LHX3: variants seen among roughly 807,000 people sequenced by gnomAD.
The protein encoded by LHX3 is LIM/homeobox protein Lhx3.
A neutral mutation model predicts 32.4 loss-of-function variants in LHX3; 21 were observed. The ratio of observed to expected loss-of-function variants is 0.65; its 90% CI spans 0.46 to 0.93. LHX3 has a LOEUF of 0.93. Among genes scored for constraint, LHX3 ranks in the 40% least tolerant of loss-of-function variants. The probability of loss-of-function intolerance (pLI) is 0.00; values close to 1 mark genes in which losing one functional copy is unlikely to be tolerated. For missense variants in LHX3, 626 were observed against 560.0 expected, an observed-to-expected ratio of 1.12 and a Z score of -1.19; for synonymous variants, 258 against 246.8, an observed-to-expected ratio of 1.05 and a Z score of -0.43.
At chr9:136,203,146 G>T in intron 1 of LHX3, 1 of 1,345,884 alleles carries the variant, frequency 7.4e-7, no homozygotes, top group Non-Finnish European at 9.5e-7. Flanking sequence ...TCCGGGTGCT[G>T]CTGGGCGCTG....
At chr9:136,202,554 C>T (rs1831670936) in intron 1 of LHX3, among the ~76,000 whole-genome samples, 2 of 152,320 alleles carry the variant, frequency 1.3e-5, no homozygotes, top group Non-Finnish European at 1.5e-5. Context: ...CTGCATCTGA[C>T]TCTGTTCCGC....
intron 1 of LHX3, chr9:136,201,648 C>G: frequency 1.0e-6 from 1 of 991,300 alleles, no homozygotes; most frequent in Non-Finnish European, 1.2e-6. Flanking sequence ...GGCTGTGGAC[C>G]CCGCCGGCTC....
chr9:136,202,419 G>A (rs1831663494), intron 1 of LHX3, among the ~76,000 whole-genome samples: 1 of 152,186 alleles, frequency 6.6e-6, no homozygotes, highest in Admixed American at 6.5e-5. Flanking sequence ...GGGGCCTGGA[G>A]AAGAGAGGCT....
At chr9:136,203,456 G>A (rs1481506015) in intron 1 of LHX3, among the ~76,000 whole-genome samples, 1 of 152,192 alleles carries the variant, frequency 6.6e-6, no homozygotes, top group African/African-American at 2.4e-5. Context: ...TGGAGCACAC[G>A]CCAGGAGGGC....
At chr9:136,201,772 C>A in intron 1 of LHX3, 1 of 904,262 alleles carries the variant, frequency 1.1e-6, no homozygotes, top group Non-Finnish European at 1.3e-6. Flanking sequence ...ATGAATGCGC[C>A]CCGCATCCGG....
At chr9:136,203,605 G>A (rs1760416050) in intron 1 of LHX3, among the ~76,000 whole-genome samples, 1 of 152,224 alleles carries the variant, frequency 6.6e-6, no homozygotes, top group Non-Finnish European at 1.5e-5. Flanking sequence ...GCTGCGTACC[G>A]GAACCGCAAG....
chr9:136,203,215 G>GGGGGCGGGGCCGCGGGGC lies in LHX3; in HGVS notation c.79+1701_79+1718dup, dbSNP rs1270209446. 4 of 927,776 alleles carry GGGGGCGGGGCCGCGGGGC rather than the reference G, an allele frequency of 4.3e-6. No individual in the cohort carries two copies. The African/African-American group carries it at 7.1e-5, about 17-fold the overall frequency. 57.5% of individuals were successfully genotyped at this position (927,776 alleles called of 1,614,324 possible). On this transcript the variant is annotated intron_variant, in intron 1 of 5. Transcript: ENST00000371748. The stretch of plus-strand genomic sequence containing the variant: ...GGCCGAGCGGAGGGCGGAGCGGCCG[G>GGGGGCGGGGCCGCGGGGC]GGGGCGGGGCCGCGGGGCGGGGCGG...
At chr9:136,203,089 C>A in intron 1 of LHX3, 1 of 1,487,706 alleles carries the variant, frequency 6.7e-7, no homozygotes, top group African/African-American at 1.5e-5. Flanking sequence ...CTTTCCCGGG[C>A]CCAGCGACGC....
In LHX3 at chr9:136,201,643, T is replaced by C. The variant is rs187368051; in HGVS notation, c.80-890A>G. ...CATATTGCACCCGCCTCCCTGGCTG[T>C]GGACCCCGCCGGCTCCAGCCCATCT... On this transcript the variant is annotated intron_variant, in intron 1 of 5. Transcript: ENST00000371748. The C allele has an allele frequency of 7.1e-4, 709 of 992,538 alleles. 6 individuals carry two copies. In the African/African-American group the frequency reaches 0.012, roughly 16 times the overall value. The allele number at this position is 992,538 out of a possible 1,614,324, so 61.5% of individuals were successfully genotyped here.
rs774967039 is a variant in LHX3 at position 136,198,623 on chromosome 9, C to CG, written c.775+28_775+29insC. On this transcript the variant is annotated intron_variant, in intron 5 of 5. Transcript: ENST00000371748. Reference sequence around the variant, plus strand: ...GACCCCGCCGACGCGCGCTCGTCCCCCCCCGAGCTCCGCGATCCCTCCGCC... The same window carrying CG: ...GACCCCGCCGACGCGCGCTCGTCCCCGCCCCGAGCTCCGCGATCCCTCCGCC... The CG allele has an allele frequency of 1.0e-5, 16 of 1,557,232 alleles. No homozygotes were observed. The East Asian group carries it at 1.7e-4, about 16-fold the overall frequency.
Position 136,203,215 on chromosome 9 carries a change from G to GGGGGCGGGGACGC in LHX3, c.79+1718_79+1719insGCGTCCCCGCCCC, listed in dbSNP as rs1554755100. The GGGGGCGGGGACGC allele has an allele frequency of 4.3e-6, 4 of 927,776 alleles. No homozygotes were observed. In the African/African-American group the frequency reaches 7.1e-5, roughly 17 times the overall value. 57.5% of individuals were successfully genotyped at this position (927,776 alleles called of 1,614,324 possible). The stretch of plus-strand genomic sequence containing the variant: ...GGCCGAGCGGAGGGCGGAGCGGCCG[G>GGGGGCGGGGACGC]GGGGCGGGGCCGCGGGGCGGGGCGG... On this transcript the variant is annotated intron_variant, in intron 1 of 5. Transcript: ENST00000371748.
intron 1 of LHX3, among the ~76,000 whole-genome samples, chr9:136,203,348 C>A (rs1831692849): frequency 6.6e-6 from 1 of 151,958 alleles, no homozygotes; most frequent in Admixed American, 6.5e-5. Context: ...CGAGGGCGGG[C>A]ACCGGTAAGG....
Position 136,199,688 on chromosome 9 carries a change from G to T in LHX3, c.444C>A (p.Ala148=), listed in dbSNP as rs199597636. 12 of 1,612,780 alleles carry T rather than the reference G, an allele frequency of 7.4e-6. No individual in the cohort carries two copies. Among genetic ancestry groups the T allele is most frequent in the Admixed American group, 5.0e-5 (3 of 60,010 alleles). ...RLVCKADYET[A]KQREAEATAK... is the part of the protein sequence containing the mutation. Reference sequence around the variant, plus strand: ...GTCCCCTCGGCTGACCTCGCTGCTTGGCGGTTTCGTAGTCCGCCTTGCACA... The same window carrying T: ...GTCCCCTCGGCTGACCTCGCTGCTTTGCGGTTTCGTAGTCCGCCTTGCACA... Residue 148 remains alanine (A), a synonymous_variant, in exon 3 of 6, where the codon GCC becomes GCA. Coordinates refer to ENST00000371748, the MANE Select transcript of LHX3 (RefSeq NM_178138.6).
chr9:136,197,642 A>T lies in LHX3; in HGVS notation c.877T>A (p.Phe293Ile), dbSNP rs755353004. The change falls in exon 6 of 6, where the codon TTC (phenylalanine) becomes ATC (isoleucine). Residue 293 changes from phenylalanine (F) to isoleucine (I), a missense_variant. By Grantham distance (21) the Phe-to-Ile change is conservative. Coordinates refer to ENST00000371748, the MANE Select transcript of LHX3 (RefSeq NM_178138.6). ...GCCAGGCCTCCATGCTCCAGGGAGA[A>T]GTTGCCCAGGGCTCCCGAGGGCCGG... ...LGRPSGALGN[F>I]SLEHGGLAGP... 25 of 1,591,618 alleles carry T rather than the reference A, an allele frequency of 1.6e-5. 1 individual carries two copies. Among genetic ancestry groups the T allele is most frequent in the Middle Eastern group, 1.7e-4 (1 of 5,944 alleles).
At chr9:136,204,091 C>T (rs946022920) in intron 1 of LHX3, among the ~76,000 whole-genome samples, 1 of 152,234 alleles carries the variant, frequency 6.6e-6, no homozygotes, top group Admixed American at 6.5e-5. Context: ...TGATGCCATC[C>T]TGCAGGTCCC....
intron 1 of LHX3, among the ~76,000 whole-genome samples, chr9:136,202,426 G>C (rs1433428282): frequency 6.6e-6 from 1 of 152,194 alleles, no homozygotes; most frequent in Non-Finnish European, 1.5e-5. Flanking sequence ...GGAGAAGAGA[G>C]GCTTTTTCCT....
intron 1 of LHX3, chr9:136,201,365 G>A (rs1831635809): frequency 2.4e-6 from 3 of 1,241,230 alleles, no homozygotes; most frequent in Non-Finnish European, 3.0e-6. Context: ...CTGCCTTTGT[G>A]TCAGGCGTGG....
chr9:136,196,491 C>A lies in LHX3; in HGVS notation c.*834G>T, dbSNP rs1831492713. 6.5e-6 allele frequency: 1 copy of A among 152,798 alleles called. No individual in the cohort carries two copies. The highest frequency in any genetic ancestry group is 1.9e-4 in the East Asian group (1 of 5,298). The allele number at this position is 152,798 out of a possible 1,614,324, so 9.5% of individuals were successfully genotyped here. A position where few individuals can be genotyped will look rare whatever the true frequency, so the allele number is the denominator to read the frequency against. On this transcript the variant is annotated 3_prime_UTR_variant, in exon 6 of 6. Transcript: ENST00000371748. ...CAGGGCAGGCTCAGAGGAGCCCCAC[C>A]CTTCTCCAGCGGGGAGACTTCCCAA... is the stretch of plus-strand genomic sequence containing the variant.
At position 136,197,487 on chromosome 9, in the gene LHX3, C is replaced by A. The variant is rs867015151; in HGVS notation, c.1032G>T (p.Leu344Phe). 4 of 1,560,964 alleles carry A rather than the reference C, an allele frequency of 2.6e-6. No homozygotes were observed. Among genetic ancestry groups the A allele is most frequent in the Non-Finnish European group, 1.7e-6 (2 of 1,153,190 alleles). ...CGGGGGCTCCCGAGGGCACAAGGCC[C>A]AAGCTGGTGTCTGGGTACACCAGGC... ...LSSLVYPDTS[L>F]GLVPSGAPGG... Residue 344 changes from leucine to phenylalanine, a missense_variant, in exon 6 of 6, where the codon TTG becomes TTT. Coordinates refer to ENST00000371748, the MANE Select transcript of LHX3 (RefSeq NM_178138.6).
Sources: gnomAD v4.1 joint callset for allele counts (sites outside exome capture counted in the v4.1 genomes callset) on GRCh38, gnomAD v4.1.1 for gene constraint, MANE v1.5 for transcripts, NCBI Gene and HGNC (gene_info 2026-07-23, HGNC 2026-07-21) for gene names.